Variants in IL34 observed in about 807,000 individuals in gnomAD.
IL34 encodes interleukin 34, also known as interleukin-34.
Under a neutral mutation model 25.3 loss-of-function variants are expected in IL34, and 17 were observed. That is an observed-to-expected ratio of 0.67 (90% CI 0.46 to 1.01). IL34 has a LOEUF of 1.01. IL34 is among the 50% of genes least tolerant of loss of function. The pLI is 0.00. For synonymous variants in IL34, 174 were observed against 140.9 expected (o/e 1.23, Z -1.66); for missense variants, 368 against 312.9 (o/e 1.18, Z -1.33).
upstream of IL34, among the ~76,000 whole-genome samples, chr16:70,643,563 C>A (rs1464302242): frequency 6.6e-6 from 1 of 152,102 alleles, no homozygotes; most frequent in Non-Finnish European, 1.5e-5. Context: ...TTGGTAGATA[C>A]GGGTTCTCAC....
rs1421239971 is a variant in IL34, at chr16:70,656,592, G to A, written c.163-10G>A. The A allele has an allele frequency of 3.4e-6, 4 of 1,189,326 alleles. No individual in the cohort carries two copies. Among genetic ancestry groups the A allele is most frequent in the Admixed American group, 1.7e-5 (1 of 59,526 alleles). The allele number at this position is 1,189,326 out of a possible 1,614,324, so 73.7% of individuals were successfully genotyped here. A position where few individuals can be genotyped will look rare whatever the true frequency, so the allele number is the denominator to read the frequency against. ...TTCTGGCCTCATAGTTTGTTCTTGTGCCTCTCCAGAAACACTACTTCCCCA... is the reference window on the plus strand; with the variant it reads ...TTCTGGCCTCATAGTTTGTTCTTGTACCTCTCCAGAAACACTACTTCCCCA... On this transcript the variant is annotated splice_polypyrimidine_tract_variant and intron_variant, in intron 2 of 5. Coordinates refer to ENST00000288098, the MANE Select transcript of IL34 (RefSeq NM_001393494.1).
chr16:70,631,594 T>C (rs988868985), intron 1 of IL34, among the ~76,000 whole-genome samples: 1 of 152,228 alleles, frequency 6.6e-6, no homozygotes, highest in Non-Finnish European at 1.5e-5. Flanking sequence ...TGGGCTGTTA[T>C]AAAACTAAAC....
chr16:70,640,006 A>G (rs1441275202), intron 1 of IL34, among the ~76,000 whole-genome samples: 1 of 152,190 alleles, frequency 6.6e-6, no homozygotes, highest in African/African-American at 2.4e-5. Context: ...TGGATCTGCA[A>G]TCAGGAAACT....
chr16:70,618,350 G>A (rs1259857440), intron 1 of IL34, among the ~76,000 whole-genome samples: 4 of 152,096 alleles, frequency 2.6e-5, no homozygotes, highest in Non-Finnish European at 5.9e-5. Context: ...CAGGAATAAT[G>A]TGGGAGGCCG....
intron 1 of IL34, among the ~76,000 whole-genome samples, chr16:70,636,728 A>C (rs1029607476): frequency 6.6e-6 from 1 of 151,998 alleles, no homozygotes; most frequent in African/African-American, 2.4e-5. Flanking sequence ...TGATTGTGCC[A>C]CTGCACTCCA....
At chr16:70,651,001 G>C (rs902735300) in intron 1 of IL34, among the ~76,000 whole-genome samples, 1 of 152,160 alleles carries the variant, frequency 6.6e-6, no homozygotes, top group Non-Finnish European at 1.5e-5. Context: ...ACGAGGTCAG[G>C]AGTTCAAGAC....
chr16:70,604,739 C>G (rs78115862), intron 1 of IL34, among the ~76,000 whole-genome samples: 1 of 152,184 alleles, frequency 6.6e-6, no homozygotes, highest in Non-Finnish European at 1.5e-5. Context: ...AAGGAGCTCC[C>G]GGCCTGGGGC....
chr16:70,592,597 T>C (rs1567436865), intron 1 of IL34, among the ~76,000 whole-genome samples: 1 of 152,068 alleles, frequency 6.6e-6, no homozygotes, highest in African/African-American at 2.4e-5. Flanking sequence ...TAAACTTCCT[T>C]AAAAAAAATC....
chr16:70,595,793 C>T (rs1348683924), intron 1 of IL34, among the ~76,000 whole-genome samples: 2 of 152,016 alleles, frequency 1.3e-5, no homozygotes, highest in African/African-American at 4.8e-5. Context: ...AGATGGATTA[C>T]TTGAGGTCAA....
At chr16:70,621,686 A>G (rs1018604374) in intron 1 of IL34, among the ~76,000 whole-genome samples, 2 of 152,152 alleles carry the variant, frequency 1.3e-5, no homozygotes, top group Non-Finnish European at 2.9e-5. Flanking sequence ...ACCTGGGTGC[A>G]GGCAGGCTGA....
intron 1 of IL34, among the ~76,000 whole-genome samples, chr16:70,651,246 G>A (rs752289967): frequency 2.6e-5 from 4 of 152,126 alleles, no homozygotes; most frequent in Non-Finnish European, 5.9e-5. Flanking sequence ...GGTACCTAGC[G>A]CAGGGCAAAG....
chr16:70,641,963 G>A (rs900724372), upstream of IL34, among the ~76,000 whole-genome samples: 2 of 152,152 alleles, frequency 1.3e-5, no homozygotes, highest in East Asian at 1.9e-4. Context: ...AAGAAAATGT[G>A]GGATATTCAT....
upstream of IL34, among the ~76,000 whole-genome samples, chr16:70,645,154 G>C (rs891629518): frequency 2.0e-5 from 3 of 151,378 alleles, no homozygotes; most frequent in African/African-American, 7.3e-5. Flanking sequence ...AGGAGGAGGA[G>C]GAAGAGAAGG....
chr16:70,590,587 C>T (rs765849823), intron 1 of IL34, among the ~76,000 whole-genome samples: 2 of 152,122 alleles, frequency 1.3e-5, no homozygotes, highest in Non-Finnish European at 2.9e-5. Context: ...CCCAATAGTG[C>T]GGAAGTAGCT....
At chr16:70,584,594 C>A (rs1233193185) in intron 1 of IL34, among the ~76,000 whole-genome samples, 1 of 152,182 alleles carries the variant, frequency 6.6e-6, no homozygotes, top group South Asian at 2.1e-4. Context: ...ACCACCAAGT[C>A]CCAGCTGCCC....
upstream of IL34, among the ~76,000 whole-genome samples, chr16:70,645,651 G>A (rs763578719): frequency 5.9e-5 from 9 of 152,184 alleles, no homozygotes; most frequent in Non-Finnish European, 8.8e-5. Context: ...CTTACAAGCC[G>A]TATGACCTTG....
intron 1 of IL34, among the ~76,000 whole-genome samples, chr16:70,593,529 ATTTTT>A (rs200363834): frequency 0.015 from 2,242 of 151,952 alleles, 29 homozygotes; most frequent in Middle Eastern, 0.024. Flanking sequence ...TGTTGTTGTT[ATTTTT>A]TGAGACAGGA....
At chr16:70,583,654 T>C (rs1040947036) in intron 1 of IL34, among the ~76,000 whole-genome samples, 11 of 151,674 alleles carry the variant, frequency 7.3e-5, no homozygotes, top group South Asian at 2.1e-4. Flanking sequence ...CACCAGAGCA[T>C]GTAGATCTTT....
At chr16:70,629,885 A>T (rs995982913) in intron 1 of IL34, among the ~76,000 whole-genome samples, 1 of 128,378 alleles carries the variant, frequency 7.8e-6, no homozygotes, top group Admixed American at 7.0e-5. Context: ...TTCAGTAATT[A>T]AAAAATGTAC....
Sources: allele counts gnomAD v4.1 joint callset (sites outside exome capture counted in the v4.1 genomes callset), GRCh38; gene constraint gnomAD v4.1.1; transcripts MANE v1.5; gene names NCBI Gene and HGNC (gene_info 2026-07-23, HGNC 2026-07-21).